Variants in CACNB1 observed in about 807,000 individuals in gnomAD.
CACNB1 encodes voltage-dependent L-type calcium channel subunit beta-1.
A neutral mutation model predicts 71.6 loss-of-function variants in CACNB1; 29 were observed. The ratio of observed to expected loss-of-function variants is 0.40; its 90% CI spans 0.30 to 0.55. The LOEUF (loss-of-function observed/expected upper bound fraction) is 0.55, where lower values mean the gene tolerates loss of function less well. Among genes scored for constraint, CACNB1 ranks in the 20% least tolerant of loss-of-function variants. The pLI is 0.38. For missense variants in CACNB1, 623 were observed against 801.8 expected (o/e 0.78, Z 2.69); for synonymous variants, 300 against 319.6 (o/e 0.94, Z 0.65).
chr17:39,175,786 A>C lies in CACNB1; in HGVS notation c.1333-129T>G. 2.7e-6 allele frequency: 2 copies of C among 743,274 alleles called. No individual in the cohort carries two copies. 46.0% of individuals were successfully genotyped at this position (743,274 alleles called of 1,614,324 possible). ...ATGAAGAGGGTGCTGGCTCTAGAGG[A>C]GGGGCCCCGGGGACAAACGGCTCTG... On this transcript the variant is annotated intron_variant, in intron 13 of 13. Coordinates refer to ENST00000394303, the MANE Select transcript of CACNB1 (RefSeq NM_000723.5). The surrounding 1 kb of genome is among the most constrained non-coding windows in gnomAD (Gnocchi z 4.7).
chr17:39,197,460 G>A lies in CACNB1; in HGVS notation c.36C>T (p.Tyr12=). 6.7e-7 allele frequency: 1 copy of A among 1,486,100 alleles called. No individual in the cohort carries two copies. Among genetic ancestry groups the A allele is most frequent in the Admixed American group, 2.8e-5 (1 of 36,298 alleles). 92.1% of individuals were successfully genotyped at this position (1,486,100 alleles called of 1,614,324 possible). ...CCATGGGGATCTCCTGGGAGGGTGGGTAAGGGCCCCGGGACATGCTGGTCT... is the reference window on the plus strand; with the variant it reads ...CCATGGGGATCTCCTGGGAGGGTGGATAAGGGCCCCGGGACATGCTGGTCT... The part of the protein sequence containing the change: ...VQKTSMSRGP[Y]PPSQEIPMEV... Residue 12 remains tyrosine (Y), a synonymous_variant, in exon 1 of 14, where the codon TAC becomes TAT. Transcript: ENST00000394303.
chr17:39,183,806 G>A lies in CACNB1; in HGVS notation c.957C>T (p.Val319=), dbSNP rs188019914. The part of the protein sequence containing the change: ...IFELARTLQL[V]ALDADTINHP... ...GATTGATGGTGTCAGCATCCAGAGCGACCAACTGAAGGGTCCGGGCCAGCT... is the reference window on the plus strand; with the variant it reads ...GATTGATGGTGTCAGCATCCAGAGCAACCAACTGAAGGGTCCGGGCCAGCT... The change falls in exon 11 of 14, where the codon GTC becomes GTT. Residue 319 remains valine, a synonymous_variant. Transcript: ENST00000394303. 27 of 1,613,880 alleles carry A rather than the reference G, an allele frequency of 1.7e-5. No homozygotes were observed. Among genetic ancestry groups the A allele is most frequent in the Admixed American group, 3.3e-5 (2 of 59,968 alleles).
At chr17:39,177,748 G>C (rs1001856364) in intron 12 of CACNB1, among the ~76,000 whole-genome samples, 1 of 152,196 alleles carries the variant, frequency 6.6e-6, no homozygotes, top group Non-Finnish European at 1.5e-5. Context: ...CCTCATTCTA[G>C]AGATAAGGCA....
chr17:39,184,192 CT>C, intron 9 of CACNB1, 52 bp from the exon 10 acceptor site: 1 of 1,364,704 alleles, frequency 7.3e-7, no homozygotes, highest in Admixed American at 1.7e-5. Context: ...CTGGAATGCC[CT>C]GCCCACTCCC....
intron 10 of CACNB1, 74 bp from the exon 11 acceptor site, chr17:39,183,938 C>T: frequency 6.4e-7 from 1 of 1,565,914 alleles, no homozygotes; most frequent in Non-Finnish European, 8.8e-7. Context: ...GGGAACACTT[C>T]TGGAGATGGC....
chr17:39,197,453 AG>A lies in CACNB1; in HGVS notation c.42del (p.Ser15ProfsTer67). On this transcript the variant is annotated frameshift_variant, in exon 1 of 14. Transcript: ENST00000394303. LOFTEE classifies it high-confidence loss of function. Reference protein sequence around the residue: ...KTSMSRGPYPPSQEIPMEVFD... With the variant: ...KTSMSRGPYPXSQEIPMEVFD... Reference sequence around the variant, plus strand: ...AAGACCTCCATGGGGATCTCCTGGGAGGGTGGGTAAGGGCCCCGGGACATGC... The same window carrying A: ...AAGACCTCCATGGGGATCTCCTGGGAGGTGGGTAAGGGCCCCGGGACATGC... The A allele has an allele frequency of 6.7e-7, 1 of 1,483,204 alleles. No individual in the cohort carries two copies. 91.9% of individuals were successfully genotyped at this position (1,483,204 alleles called of 1,614,324 possible).
chr17:39,186,117 G>A lies in CACNB1; in HGVS notation c.628+379C>T. 12 of 1,612,644 alleles carry A rather than the reference G, an allele frequency of 7.4e-6. No homozygotes were observed. Among genetic ancestry groups the A allele is most frequent in the Non-Finnish European group, 8.5e-6 (10 of 1,179,004 alleles). ...GTCATTTCATTACCTGGACCGGAGA[G>A]TCAGGAGAGAGGGAGGAGGGAGGCG... On this transcript the variant is annotated intron_variant, in intron 6 of 13. Coordinates refer to ENST00000394303, the MANE Select transcript of CACNB1 (RefSeq NM_000723.5). This position sits in a 1 kb window ranked among gnomAD's most constrained non-coding sequence, Gnocchi z 4.1.
chr17:39,189,302 G>A (rs2046016154), intron 3 of CACNB1, among the ~76,000 whole-genome samples: 1 of 151,746 alleles, frequency 6.6e-6, no homozygotes, highest in Admixed American at 6.6e-5. Context: ...GGCAGAGGTT[G>A]CAGCAAGCCA....
chr17:39,178,364 C>T (rs886249833), intron 11 of CACNB1: 6 of 266,820 alleles, frequency 2.2e-5, no homozygotes, highest in Admixed American at 4.8e-5. Flanking sequence ...TTTGTAGGCC[C>T]GCCCACTCTC....
chr17:39,177,024 G>C, intron 13 of CACNB1: 1 of 944,084 alleles, frequency 1.1e-6, no homozygotes, highest in African/African-American at 1.7e-5. Context: ...TCTTAAAAGC[G>C]CTCCCATCAG....
intron 1 of CACNB1, chr17:39,195,254 G>T (rs2046180066): frequency 8.9e-6 from 3 of 336,504 alleles, no homozygotes; most frequent in East Asian, 5.2e-5. Flanking sequence ...GGGAAGGGGG[G>T]AGGCGCGGAG....
chr17:39,175,238 G>A lies in CACNB1; in HGVS notation c.1752C>T (p.Asn584=), dbSNP rs536759798. 2 of 1,613,920 alleles carry A rather than the reference G, an allele frequency of 1.2e-6. No individual in the cohort carries two copies. The highest frequency in any genetic ancestry group is 2.7e-5 in the African/African-American group (2 of 75,002). Residue 584 remains asparagine, a synonymous_variant, in exon 14 of 14, where the codon AAC becomes AAT. Transcript: ENST00000394303. The surrounding 1 kb of genome is among the most constrained non-coding windows in gnomAD (Gnocchi z 4.7). ...GTCCCCAGCCCTCCAGCTCATTCTT[G>A]TTGCGCCCCAAAACTGGACCCCCAC... The part of the protein sequence containing the change: ...AEGGGPVLGR[N]KNELEGWGRG...
chr17:39,187,185 C>T lies in CACNB1; in HGVS notation c.415-256G>A, dbSNP rs1166315296. On this transcript the variant is annotated intron_variant, in intron 4 of 13. Coordinates refer to ENST00000394303, the MANE Select transcript of CACNB1 (RefSeq NM_000723.5). Reference sequence around the variant, plus strand: ...TTCTGAGAGTCCTTCTCCCCATGTGCCCACCCTACTCTACAAAGGCCGCTG... The same window carrying T: ...TTCTGAGAGTCCTTCTCCCCATGTGTCCACCCTACTCTACAAAGGCCGCTG... 1.0e-5 allele frequency: 6 copies of T among 600,074 alleles called. No individual in the cohort carries two copies. The African/African-American group carries it at 1.1e-4, about 11-fold the overall frequency. 37.2% of individuals were successfully genotyped at this position (600,074 alleles called of 1,614,324 possible). A position where few individuals can be genotyped will look rare whatever the true frequency, so the allele number is the denominator to read the frequency against.
rs565527670 is a variant in CACNB1, at chr17:39,176,931, C to T, written c.1332+419G>A. Among the ~76,000 whole-genome samples the T allele has an allele frequency of 2.0e-5, 3 of 152,254 alleles. No individual in the cohort carries two copies. The East Asian group carries it at 5.8e-4, about 29-fold the overall frequency. ...GTAGGTTTCCCTGGCTCTGAAGGCC[C>T]CTGCTCTGTTGGGTCTAAAAAGGGT... On this transcript the variant is annotated intron_variant, in intron 13 of 13. Coordinates refer to ENST00000394303, the MANE Select transcript of CACNB1 (RefSeq NM_000723.5).
At position 39,194,903 on chromosome 17, in the gene CACNB1, G is replaced by A; in HGVS notation, c.152C>T (p.Ser51Phe). ...SDGSTSSDTT[S>F]NSFVRQGSAE... ...CATTACCTGGCGGACAAAGCTGTTGGATGTGGTATCCGAGGACGTGCTCCC... is the reference window on the plus strand; with the variant it reads ...CATTACCTGGCGGACAAAGCTGTTGAATGTGGTATCCGAGGACGTGCTCCC... The change falls in exon 2 of 14, where the codon TCC (serine) becomes TTC (phenylalanine). Residue 51 changes from serine to phenylalanine, a missense_variant. Coordinates refer to ENST00000394303, the MANE Select transcript of CACNB1 (RefSeq NM_000723.5). This position sits in a 1 kb window ranked among gnomAD's most constrained non-coding sequence, Gnocchi z 4.6. 2 of 1,612,590 alleles carry A rather than the reference G, an allele frequency of 1.2e-6. No individual in the cohort carries two copies. Among genetic ancestry groups the A allele is most frequent in the Non-Finnish European group, 1.7e-6 (2 of 1,178,844 alleles).
In CACNB1 at chr17:39,194,141, T is replaced by C. The variant is rs919357241; in HGVS notation, c.171+743A>G. On this transcript the variant is annotated intron_variant, in intron 2 of 13. Transcript: ENST00000394303. The surrounding 1 kb of genome is among the most constrained non-coding windows in gnomAD (Gnocchi z 4.6). ...TAATCCCAAGCCCCTCTCGCCTTTT[T>C]TGGGTACCAGGCTTTGGTGAGATGC... Among the ~76,000 whole-genome samples the C allele has an allele frequency of 2.6e-5, 4 of 152,118 alleles. No homozygotes were observed. The highest frequency in any genetic ancestry group is 9.7e-5 in the African/African-American group (4 of 41,412).
chr17:39,188,318 G>C (rs1261467065), intron 3 of CACNB1, among the ~76,000 whole-genome samples: 1 of 151,924 alleles, frequency 6.6e-6, no homozygotes, highest in Non-Finnish European at 1.5e-5. Flanking sequence ...GCTCACGCCT[G>C]TAATCCCAGC....
rs899393164 is a variant in CACNB1 at position 39,194,632 on chromosome 17, G to A, written c.171+252C>T. ...CCAGGCTGTCCCTGAATGAGATGAC[G>A]CAGGCCAGCAGGCAGCAGGGGAGGG... On this transcript the variant is annotated intron_variant, in intron 2 of 13. Transcript: ENST00000394303. The surrounding 1 kb of genome is among the most constrained non-coding windows in gnomAD (Gnocchi z 4.6). Among the ~76,000 whole-genome samples, 2 of 151,920 alleles carry A rather than the reference G, an allele frequency of 1.3e-5. No homozygotes were observed. Among genetic ancestry groups the A allele is most frequent in the East Asian group, 1.9e-4 (1 of 5,170 alleles).
At chr17:39,177,194 T>C (rs1029664280) in intron 13 of CACNB1, 156 bp downstream of exon 13, 2 of 1,493,022 alleles carry the variant, frequency 1.3e-6, no homozygotes, top group African/African-American at 2.8e-5. Flanking sequence ...CCATGTTCCC[T>C]GCACTCCAGT....
Sources: gnomAD v4.1 joint callset for allele counts (sites outside exome capture counted in the v4.1 genomes callset) on GRCh38, gnomAD v4.1.1 for gene constraint, Gnocchi (gnomAD v3.1) non-coding constraint, MANE v1.5 for transcripts, NCBI Gene and HGNC (gene_info 2026-07-23, HGNC 2026-07-21) for gene names.